LRRC52: variants seen among roughly 807,000 people sequenced by gnomAD.
The protein encoded by LRRC52 is leucine rich repeat containing 52.
LRRC52 carries 15 observed loss-of-function variants against 14.7 expected under a neutral mutation model. The ratio of observed to expected loss-of-function variants is 1.02; its 90% CI spans 0.68 to 1.58. The LOEUF (loss-of-function observed/expected upper bound fraction) is 1.58, where lower values mean the gene tolerates loss of function less well. Among genes scored for constraint, LRRC52 ranks in the 40% most tolerant of loss-of-function variants. The pLI is 0.00. For synonymous variants in LRRC52, 180 were observed against 163.9 expected (o/e 1.10, Z -0.75); for missense variants, 400 against 387.7 (o/e 1.03, Z -0.27).
At chr1:165,561,715 A>C (rs1273246948) in intron 1 of LRRC52, among the ~76,000 whole-genome samples, 2 of 152,242 alleles carry the variant, frequency 1.3e-5, no homozygotes, top group Non-Finnish European at 2.9e-5. Flanking sequence ...CAGTTCGTGC[A>C]CTGGCTTCCC....
At chr1:165,545,098 T>C (rs985961990) in intron 1 of LRRC52, among the ~76,000 whole-genome samples, 180 bp downstream of exon 1, 4 of 152,074 alleles carry the variant, frequency 2.6e-5, no homozygotes, top group Non-Finnish European at 5.9e-5. Flanking sequence ...AGTTCTGAAA[T>C]AGGAATTCAA....
At chr1:165,554,230 C>G (rs1451971500) in intron 1 of LRRC52, among the ~76,000 whole-genome samples, 1 of 152,056 alleles carries the variant, frequency 6.6e-6, no homozygotes, top group Non-Finnish European at 1.5e-5. Context: ...AATTCTTTGC[C>G]TGGCAGTGAT....
At chr1:165,560,584 G>C (rs1234518407) in intron 1 of LRRC52, among the ~76,000 whole-genome samples, 5 of 152,206 alleles carry the variant, frequency 3.3e-5, no homozygotes, top group African/African-American at 1.2e-4. Context: ...GAGTTCACGA[G>C]TGGGAACAAT....
At chr1:165,560,315 T>C (rs1375135935) in intron 1 of LRRC52, among the ~76,000 whole-genome samples, 3 of 152,206 alleles carry the variant, frequency 2.0e-5, no homozygotes, top group Admixed American at 2.0e-4. Flanking sequence ...TTCTATAGAA[T>C]TAAACCAGAA....
At chr1:165,554,717 A>G (rs1661199386) in intron 1 of LRRC52, among the ~76,000 whole-genome samples, 1 of 152,214 alleles carries the variant, frequency 6.6e-6, no homozygotes. Context: ...GGTGTGAGCC[A>G]CTGCACCCGG....
At chr1:165,557,074 A>T (rs574867667) in intron 1 of LRRC52, among the ~76,000 whole-genome samples, 1 of 152,248 alleles carries the variant, frequency 6.6e-6, no homozygotes, top group South Asian at 2.1e-4. Context: ...CACTAAGGAT[A>T]CAAGAGTACA....
rs1332190310 is a variant in LRRC52, at chr1:165,544,757, A to G, written c.461A>G (p.Tyr154Cys). The change falls in exon 1 of 2, where the codon TAC (tyrosine) becomes TGC (cysteine). Residue 154 changes from tyrosine (Y) to cysteine (C), a missense_variant. Physicochemically the swap from Tyr to Cys is radical, Grantham distance 194. Coordinates refer to ENST00000294818, the MANE Select transcript of LRRC52 (RefSeq NM_001005214.4). ...TTTGCCAACACCACCTCTTTGAGGT[A>G]CCTGGACCTCAGAAATACCGGCTTG... ...FTFANTTSLR[Y>C]LDLRNTGLQT... 8.1e-6 allele frequency: 13 copies of G among 1,613,950 alleles called. No individual in the cohort carries two copies. The highest frequency in any genetic ancestry group is 1.1e-5 in the Non-Finnish European group (13 of 1,180,010).
chr1:165,544,356 G>T lies in LRRC52; in HGVS notation c.60G>T (p.Leu20=). 1 of 1,614,046 alleles carries T rather than the reference G, an allele frequency of 6.2e-7. No individual in the cohort carries two copies. Among genetic ancestry groups the T allele is most frequent in the Non-Finnish European group, 8.5e-7 (1 of 1,180,018 alleles). The stretch of plus-strand genomic sequence containing the variant: ...TACTCTTTTCCTTTGGAATGGGGCT[G>T]GTATCAGGGTCAAAGTGTCCAAATA... ...GWLLFSFGMG[L]VSGSKCPNNC... Residue 20 remains leucine, a synonymous_variant, in exon 1 of 2, where the codon CTG becomes CTT. Transcript: ENST00000294818.
chr1:165,552,864 G>A (rs980139324), intron 1 of LRRC52, among the ~76,000 whole-genome samples: 4 of 152,086 alleles, frequency 2.6e-5, no homozygotes, highest in African/African-American at 9.7e-5. Flanking sequence ...ATAGAAAAGG[G>A]AAAAATCAAT....
At chr1:165,559,853 G>A (rs1661307887) in intron 1 of LRRC52, among the ~76,000 whole-genome samples, 1 of 152,168 alleles carries the variant, frequency 6.6e-6, no homozygotes, top group South Asian at 2.1e-4. Flanking sequence ...ATACAAACAA[G>A]TAAGATAATA....
At chr1:165,545,501 T>C (rs1448912891) in intron 1 of LRRC52, among the ~76,000 whole-genome samples, 1 of 152,166 alleles carries the variant, frequency 6.6e-6, no homozygotes, top group Non-Finnish European at 1.5e-5. Context: ...AAAGGGCTTT[T>C]GATAGCTGCT....
intron 1 of LRRC52, among the ~76,000 whole-genome samples, chr1:165,557,624 CA>C (rs1369328392): frequency 1.3e-5 from 2 of 152,020 alleles, no homozygotes; most frequent in Non-Finnish European, 2.9e-5. Context: ...ATTTCCTTGA[CA>C]AAAACATAAT....
At chr1:165,554,433 G>GTTGTTGTTA (rs945838320) in intron 1 of LRRC52, among the ~76,000 whole-genome samples, 3 of 151,836 alleles carry the variant, frequency 2.0e-5, no homozygotes, top group African/African-American at 7.3e-5. Context: ...GGTGGTTGTT[G>GTTGTTGTTA]TTGTTGTTGT....
In LRRC52 at chr1:165,544,633, C is replaced by G; in HGVS notation, c.337C>G (p.Leu113Val). ...LIYLDLSSNN[L>V]TSISPFTFSV... is the part of the protein sequence containing the mutation. Reference sequence around the variant, plus strand: ...CTACCTTGACCTCAGCTCCAACAACCTAACCTCGATCTCCCCATTCACTTT... The same window carrying G: ...CTACCTTGACCTCAGCTCCAACAACGTAACCTCGATCTCCCCATTCACTTT... Residue 113 changes from leucine to valine, a missense_variant, in exon 1 of 2, where the codon CTA (leucine) becomes GTA (valine). By Grantham distance (32) the Leu-to-Val change is conservative. Transcript: ENST00000294818. The G allele has an allele frequency of 1.9e-6, 3 of 1,613,960 alleles. No individual in the cohort carries two copies. The South Asian group carries it at 3.3e-5, about 18-fold the overall frequency.
intron 1 of LRRC52, among the ~76,000 whole-genome samples, chr1:165,551,622 G>A (rs764363704): frequency 2.0e-5 from 3 of 152,072 alleles, no homozygotes; most frequent in Non-Finnish European, 4.4e-5. Flanking sequence ...CCTGATGGTG[G>A]GGCCCACACA....
At chr1:165,549,634 G>A (rs7535979) in intron 1 of LRRC52, among the ~76,000 whole-genome samples, 12,823 of 152,234 alleles carry the variant, frequency 0.084, 751 homozygotes, top group South Asian at 0.22. Flanking sequence ...TGCAGCAGTG[G>A]AGAACCTTGA....
chr1:165,544,208 TCCCCC>T lies in LRRC52; in HGVS notation c.-88_-84del. The T allele has an allele frequency of 2.2e-6, 1 of 448,098 alleles. No homozygotes were observed. The highest frequency in any genetic ancestry group is 4.2e-6 in the Non-Finnish European group (1 of 235,720). 27.8% of individuals were successfully genotyped at this position (448,098 alleles called of 1,614,324 possible). A position where few individuals can be genotyped will look rare whatever the true frequency, so the allele number is the denominator to read the frequency against. ...GTGTTACAGTTCTTTCCAGAGCCCC[TCCCCC>T]GCCCCACCCCCCCACCGGCAGCCTT... is the stretch of plus-strand genomic sequence containing the variant. On this transcript the variant is annotated 5_prime_UTR_variant, in exon 1 of 2. Transcript: ENST00000294818.
At position 165,563,573 on chromosome 1, in the gene LRRC52, C is replaced by T. The variant is rs750248405; in HGVS notation, c.691C>T (p.Pro231Ser). ...TGWPITRVGN[P>S]LRYMCITHLD... ...GTGGCCCATCACCCGGGTGGGGAAC[C>T]CACTCCGATACATGTGCATCACGCA... The change falls in exon 2 of 2, where the codon CCA becomes TCA. Residue 231 changes from proline to serine, a missense_variant. Coordinates refer to ENST00000294818, the MANE Select transcript of LRRC52 (RefSeq NM_001005214.4). The T allele has an allele frequency of 3.6e-5, 58 of 1,614,128 alleles. No individual in the cohort carries two copies. Among genetic ancestry groups the T allele is most frequent in the Non-Finnish European group, 4.7e-5 (55 of 1,180,048 alleles).
At position 165,563,650 on chromosome 1, in the gene LRRC52, C is replaced by G. The variant is rs773429734; in HGVS notation, c.768C>G (p.Phe256Leu). ...IFLLLIGFCIFAAGTVAAWLT... is the reference protein window; with the variant it reads ...IFLLLIGFCILAAGTVAAWLT... ...TGCTGCTCATCGGCTTCTGCATCTT[C>G]GCCGCGGGAACTGTGGCTGCCTGGC... is the stretch of plus-strand genomic sequence containing the variant. Residue 256 changes from phenylalanine (F) to leucine (L), a missense_variant, in exon 2 of 2, where the codon TTC (phenylalanine) becomes TTG (leucine). Transcript: ENST00000294818. 5 of 1,614,188 alleles carry G rather than the reference C, an allele frequency of 3.1e-6. No homozygotes were observed. The highest frequency in any genetic ancestry group is 4.2e-6 in the Non-Finnish European group (5 of 1,180,032).
Sources: allele counts gnomAD v4.1 joint callset (sites outside exome capture counted in the v4.1 genomes callset), GRCh38; gene constraint gnomAD v4.1.1; transcripts MANE v1.5; gene names NCBI Gene and HGNC (gene_info 2026-07-23, HGNC 2026-07-21).